The following XKR9 variants were observed in gnomAD, a reference collection of about 807,000 sequenced individuals.
XKR9 encodes the protein XK-related protein 9.
A neutral mutation model predicts 32.0 loss-of-function variants in XKR9; 32 were observed. The ratio of observed to expected loss-of-function variants is 1.00; its 90% CI spans 0.76 to 1.34. The LOEUF (loss-of-function observed/expected upper bound fraction) is 1.34, where lower values mean the gene tolerates loss of function less well. Ranked by LOEUF, XKR9 falls within the 40% of genes most tolerant of loss-of-function variation. The probability of loss-of-function intolerance (pLI) is 0.00; values close to 1 mark genes in which losing one functional copy is unlikely to be tolerated. For synonymous variants in XKR9, 168 were observed against 143.4 expected, an observed-to-expected ratio of 1.17 and a Z score of -1.22; for missense variants, 546 against 429.7, an observed-to-expected ratio of 1.27 and a Z score of -2.39.
At chr8:70,771,881 T>C (rs1049659918) in intron 2 of XKR9, among the ~76,000 whole-genome samples, 5 of 152,296 alleles carry the variant, frequency 3.3e-5, no homozygotes, top group East Asian at 1.9e-4. Flanking sequence ...ATTGTAGATA[T>C]TGACAAAATT....
chr8:70,934,085 T>C, the XKR9 span, among the ~76,000 whole-genome samples: 2 of 152,068 alleles, frequency 1.3e-5, no homozygotes, highest in East Asian at 3.9e-4. Context: ...GCAAGTATTT[T>C]TGTATGTATA....
chr8:70,879,906 A>G, the XKR9 span, among the ~76,000 whole-genome samples: 3 of 152,216 alleles, frequency 2.0e-5, no homozygotes, highest in Admixed American at 6.5e-5. Flanking sequence ...ATCCAGCAGC[A>G]TATCAAAAAG....
chr8:70,805,232 C>T, the XKR9 span, among the ~76,000 whole-genome samples: 4 of 152,334 alleles, frequency 2.6e-5, no homozygotes, highest in East Asian at 7.7e-4. Flanking sequence ...AGTGTGCTAC[C>T]TGGCCAGGTA....
chr8:71,001,445 T>G, the XKR9 span, among the ~76,000 whole-genome samples: 2 of 152,134 alleles, frequency 1.3e-5, no homozygotes, highest in Admixed American at 6.6e-5. Context: ...GTATTTTTTG[T>G]AGACACAGCA....
At chr8:70,854,571 G>A in the XKR9 span, among the ~76,000 whole-genome samples, 1 of 152,194 alleles carries the variant, frequency 6.6e-6, no homozygotes, top group South Asian at 2.1e-4. Flanking sequence ...AATTGCTTTC[G>A]GTGTTTTAGT....
At chr8:70,966,112 GTC>G in the XKR9 span, among the ~76,000 whole-genome samples, 1 of 152,078 alleles carries the variant, frequency 6.6e-6, no homozygotes, top group Non-Finnish European at 1.5e-5. Flanking sequence ...CTGGTATGTT[GTC>G]TCTCTGTTTT....
the XKR9 span, among the ~76,000 whole-genome samples, chr8:70,904,201 C>T: frequency 3.9e-5 from 6 of 151,962 alleles, no homozygotes; most frequent in African/African-American, 1.4e-4. Context: ...GTTGATCTGT[C>T]TAATGACAGT....
chr8:70,925,721 G>A, the XKR9 span, among the ~76,000 whole-genome samples: 1 of 152,168 alleles, frequency 6.6e-6, no homozygotes, highest in Non-Finnish European at 1.5e-5. Flanking sequence ...CACGTGGTAA[G>A]CTAAGAGAAA....
At chr8:70,785,777 A>G (rs35115647) in intron 2 of XKR9, among the ~76,000 whole-genome samples, 46,400 of 146,172 alleles carry the variant, frequency 0.32, 8,743 homozygotes, top group Non-Finnish European at 0.43. Context: ...GTATATATGT[A>G]TATATATATG....
the XKR9 span, among the ~76,000 whole-genome samples, chr8:70,981,418 G>C: frequency 6.6e-6 from 1 of 151,902 alleles, no homozygotes; most frequent in East Asian, 1.9e-4. Context: ...TCTTCTGCTT[G>C]TTCAGTTCGA....
intron 2 of XKR9, among the ~76,000 whole-genome samples, chr8:70,778,932 C>A (rs1226384622): frequency 6.6e-6 from 1 of 151,690 alleles, no homozygotes; most frequent in Non-Finnish European, 1.5e-5. Flanking sequence ...TAATGGAATA[C>A]CCTTTATTTC....
intron 3 of XKR9, chr8:70,683,698 G>A (rs184063687): frequency 5.3e-4 from 181 of 340,974 alleles, no homozygotes; most frequent in African/African-American, 3.8e-3. Flanking sequence ...ATGTTGGCCA[G>A]GCTGGTCTCG....
At chr8:70,689,935 T>C (rs1353654402) in intron 3 of XKR9, among the ~76,000 whole-genome samples, 2 of 152,176 alleles carry the variant, frequency 1.3e-5, no homozygotes, top group Non-Finnish European at 2.9e-5. Flanking sequence ...TAGTGGGTTA[T>C]AGGAGTAGGG....
chr8:70,816,453 GCA>G, the XKR9 span, among the ~76,000 whole-genome samples: 1 of 152,116 alleles, frequency 6.6e-6, no homozygotes, highest in Non-Finnish European at 1.5e-5. Context: ...GTTTATAGCA[GCA>G]CTATTCTCAA....
the XKR9 span, among the ~76,000 whole-genome samples, chr8:70,943,217 T>C: frequency 6.6e-6 from 1 of 152,198 alleles, no homozygotes; most frequent in Non-Finnish European, 1.5e-5. Flanking sequence ...TTGAAGTGTT[T>C]CTTTAAGATC....
At chr8:70,756,086 T>G (rs939750117) in intron 2 of XKR9, among the ~76,000 whole-genome samples, 2 of 152,176 alleles carry the variant, frequency 1.3e-5, no homozygotes, top group African/African-American at 4.8e-5. Flanking sequence ...CCTTTGCCTA[T>G]GGCTATCCAG....
At chr8:70,791,243 AG>A (rs1807760389), downstream of XKR9, among the ~76,000 whole-genome samples, 1 of 151,776 alleles carries the variant, frequency 6.6e-6, no homozygotes, top group South Asian at 2.1e-4. Context: ...AAGCTGAGGT[AG>A]GGGGAGGATT....
chr8:71,055,540 C>G, the XKR9 span, among the ~76,000 whole-genome samples: 1 of 152,100 alleles, frequency 6.6e-6, no homozygotes, highest in African/African-American at 2.4e-5. Flanking sequence ...ACCATTATGC[C>G]TGAAACAGAA....
chr8:70,699,272 T>A (rs1447631071), intron 3 of XKR9, among the ~76,000 whole-genome samples: 1 of 152,242 alleles, frequency 6.6e-6, no homozygotes. Flanking sequence ...AGTTTCTTCC[T>A]AGCCTCGATG....
Sources: gnomAD v4.1 joint callset for allele counts (sites outside exome capture counted in the v4.1 genomes callset) on GRCh38, gnomAD v4.1.1 for gene constraint, MANE v1.5 for transcripts, NCBI Gene and HGNC (gene_info 2026-07-23, HGNC 2026-07-21) for gene names.